The following MEIKIN variants were observed in gnomAD, a reference collection of about 807,000 sequenced individuals.
MEIKIN encodes meiotic kinetochore factor.
intron 11 of MEIKIN, among the ~76,000 whole-genome samples, chr5:131,832,179 T>C (rs949165285): frequency 5.3e-5 from 8 of 152,206 alleles, no homozygotes; most frequent in African/African-American, 1.9e-4. Flanking sequence ...ACTAGTTACT[T>C]CCTAGATACA....
intron 9 of MEIKIN, among the ~76,000 whole-genome samples, chr5:131,858,064 G>A (rs763324913): frequency 6.6e-6 from 1 of 152,192 alleles, no homozygotes; most frequent in Admixed American, 6.5e-5. Context: ...ACAGTGCTGT[G>A]GCCAGCAGAG....
chr5:131,862,275 T>C (rs1480528078), intron 9 of MEIKIN, among the ~76,000 whole-genome samples: 1 of 152,150 alleles, frequency 6.6e-6, no homozygotes, highest in Admixed American at 6.5e-5. Context: ...TCTAATTCTG[T>C]GGTATCAGTA....
At position 131,849,445 on chromosome 5, in the gene MEIKIN, T is replaced by C. The variant is rs1317662505; in HGVS notation, c.975+1819A>G. Among the ~76,000 whole-genome samples the C allele has an allele frequency of 2.8e-3, 120 of 43,106 alleles. 3 individuals are homozygous for C. The highest frequency in any genetic ancestry group is 0.011 in the African/African-American group (114 of 10,722). The allele number at this position is 43,106 out of a possible 152,430, so 28.3% of individuals were successfully genotyped here. A position where few individuals can be genotyped will look rare whatever the true frequency, so the allele number is the denominator to read the frequency against. On this transcript the variant is annotated intron_variant, in intron 11 of 12. Coordinates refer to ENST00000442687, the MANE Select transcript of MEIKIN (RefSeq NM_001303622.2). ...TCTTTATATATATAAAGAAACCTCT[T>C]TTCTTTATATATATAAAGAAACCTC...
intron 5 of MEIKIN, among the ~76,000 whole-genome samples, chr5:131,923,476 T>G (rs1751539875): frequency 6.6e-6 from 1 of 151,964 alleles, no homozygotes; most frequent in Non-Finnish European, 1.5e-5. Context: ...TATCTTATAT[T>G]TTTTTCCTCT....
chr5:131,850,712 C>CA (rs200114127), intron 11 of MEIKIN, among the ~76,000 whole-genome samples: 44 of 150,928 alleles, frequency 2.9e-4, no homozygotes, highest in African/African-American at 5.1e-4. Context: ...AGACCTAAAA[C>CA]AAAAAAAAAT....
At chr5:131,897,746 T>G (rs1381567852) in intron 8 of MEIKIN, among the ~76,000 whole-genome samples, 1 of 152,152 alleles carries the variant, frequency 6.6e-6, no homozygotes, top group Non-Finnish European at 1.5e-5. Context: ...ATCAGGTCAT[T>G]TTAGGTCCTC....
At chr5:131,884,194 AC>A (rs1750740035) in intron 8 of MEIKIN, among the ~76,000 whole-genome samples, 1 of 152,098 alleles carries the variant, frequency 6.6e-6, no homozygotes, top group South Asian at 2.1e-4. Context: ...GATGTGACCT[AC>A]TGGGACACCA....
chr5:131,944,240 T>C (rs1751922448), intron 3 of MEIKIN, among the ~76,000 whole-genome samples: 1 of 152,130 alleles, frequency 6.6e-6, no homozygotes, highest in Non-Finnish European at 1.5e-5. Context: ...ACAGAATTCA[T>C]ATTAAATACA....
chr5:131,932,799 GT>G, intron 5 of MEIKIN, among the ~76,000 whole-genome samples: 1 of 152,148 alleles, frequency 6.6e-6, no homozygotes, highest in Non-Finnish European at 1.5e-5. Flanking sequence ...CATCTTTCAT[GT>G]TTTTGACATC....
chr5:131,891,052 T>G (rs1311041717), intron 8 of MEIKIN, among the ~76,000 whole-genome samples: 5 of 152,236 alleles, frequency 3.3e-5, no homozygotes, highest in Admixed American at 1.3e-4. Context: ...AACCCTGAGT[T>G]CTAGTTTGAT....
chr5:131,906,838 G>A (rs998787948), intron 8 of MEIKIN, among the ~76,000 whole-genome samples: 1 of 152,074 alleles, frequency 6.6e-6, no homozygotes, highest in Non-Finnish European at 1.5e-5. Flanking sequence ...ACAGAAAGAA[G>A]GAACAACAGA....
intron 11 of MEIKIN, among the ~76,000 whole-genome samples, chr5:131,830,468 A>C (rs1280814971): frequency 6.6e-6 from 1 of 152,266 alleles, no homozygotes; most frequent in Non-Finnish European, 1.5e-5. Flanking sequence ...ATTACAAAAG[A>C]AAGTAAATGA....
chr5:131,902,245 C>A (rs1751171198), intron 8 of MEIKIN, among the ~76,000 whole-genome samples: 1 of 152,110 alleles, frequency 6.6e-6, no homozygotes, highest in Non-Finnish European at 1.5e-5. Context: ...CCAGCCTGGG[C>A]AACACGGTGA....
At chr5:131,819,597 C>A (rs907776166) in intron 11 of MEIKIN, among the ~76,000 whole-genome samples, 21 of 99,004 alleles carry the variant, frequency 2.1e-4, no homozygotes, top group African/African-American at 6.0e-4. Context: ...ATAGAAACTT[C>A]CTTTTTTTTT....
chr5:131,835,856 G>A (rs999988028), intron 11 of MEIKIN, among the ~76,000 whole-genome samples: 7 of 152,186 alleles, frequency 4.6e-5, no homozygotes, highest in African/African-American at 1.7e-4. Flanking sequence ...GCCTCCCAAA[G>A]TGCTGGGATT....
chr5:131,924,466 C>T (rs1470179556), intron 5 of MEIKIN, among the ~76,000 whole-genome samples: 1 of 152,190 alleles, frequency 6.6e-6, no homozygotes, highest in Non-Finnish European at 1.5e-5. Context: ...AATTTATCCA[C>T]ACCCTTGCCA....
At chr5:131,892,754 G>A (rs1051630042) in intron 8 of MEIKIN, among the ~76,000 whole-genome samples, 2 of 152,186 alleles carry the variant, frequency 1.3e-5, no homozygotes, top group Admixed American at 1.3e-4. Context: ...TCCATTGCTG[G>A]TGAGGAGCTG....
At chr5:131,886,190 C>G (rs562802642) in intron 8 of MEIKIN, among the ~76,000 whole-genome samples, 1 of 152,168 alleles carries the variant, frequency 6.6e-6, no homozygotes, top group Admixed American at 6.5e-5. Flanking sequence ...AACGGCAAAT[C>G]TTAAGGGTTG....
At chr5:131,897,848 T>A (rs544045423) in intron 8 of MEIKIN, among the ~76,000 whole-genome samples, 1 of 152,200 alleles carries the variant, frequency 6.6e-6, no homozygotes, top group African/African-American at 2.4e-5. Flanking sequence ...GGTTAGAACA[T>A]GCTCCTTTAG....
Sources: allele counts gnomAD v4.1 joint callset (sites outside exome capture counted in the v4.1 genomes callset), GRCh38; gene constraint gnomAD v4.1.1; transcripts MANE v1.5; gene names NCBI Gene and HGNC (gene_info 2026-07-23, HGNC 2026-07-21).